The following FBXW7 variants were observed in gnomAD, a reference collection of about 807,000 sequenced individuals.
FBXW7 encodes the protein F-box and WD repeat domain containing 7.
Under a neutral mutation model 86.3 loss-of-function variants are expected in FBXW7, and 11 were observed. The ratio of observed to expected loss-of-function variants is 0.13; its 90% CI spans 0.08 to 0.21. The LOEUF is 0.21. Ranked by LOEUF, FBXW7 falls within the 10% of genes least tolerant of loss-of-function variation. The pLI is 1.00. For missense variants in FBXW7, 488 were observed against 847.4 expected (o/e 0.58, Z 5.27); for synonymous variants, 313 against 297.9 (o/e 1.05, Z -0.52).
At chr4:152,398,738 AAT>A (rs777412318) in intron 4 of FBXW7, among the ~76,000 whole-genome samples, 3 of 152,012 alleles carry the variant, frequency 2.0e-5, no homozygotes, top group Non-Finnish European at 4.4e-5. Context: ...ATTTATAGAA[AAT>A]AGAGATTAAT....
In FBXW7 at chr4:152,325,910, G is replaced by A; in HGVS notation, c.1644+96C>T. ...AGAATAATCTGATTAATCTTTTTTG[G>A]ACTGTACTGGATCAGCAATTTGACA... On this transcript the variant is annotated intron_variant, in intron 12 of 13. Coordinates refer to ENST00000281708, the MANE Select transcript of FBXW7 (RefSeq NM_001349798.2). 7 of 917,684 alleles carry A rather than the reference G, an allele frequency of 7.6e-6. No homozygotes were observed. In the South Asian group the frequency reaches 1.0e-4, roughly 14 times the overall value. 56.8% of individuals were successfully genotyped at this position (917,684 alleles called of 1,614,324 possible). A position where few individuals can be genotyped will look rare whatever the true frequency, so the allele number is the denominator to read the frequency against.
At chr4:152,386,166 T>A (rs1735512148) in intron 4 of FBXW7, among the ~76,000 whole-genome samples, 1 of 152,046 alleles carries the variant, frequency 6.6e-6, no homozygotes, top group Admixed American at 6.6e-5. Context: ...AGATACTCTT[T>A]AATTACTACC....
chr4:152,412,157 A>C (rs957587944), intron 3 of FBXW7, among the ~76,000 whole-genome samples: 1 of 152,156 alleles, frequency 6.6e-6, no homozygotes, highest in African/African-American at 2.4e-5. Flanking sequence ...ATAAAACATA[A>C]TATTTCAAGC....
intron 2 of FBXW7, among the ~76,000 whole-genome samples, chr4:152,528,136 T>TAAC (rs1405832943): frequency 1.3e-5 from 2 of 152,174 alleles, no homozygotes; most frequent in East Asian, 3.9e-4. Context: ...AATGAACATC[T>TAAC]AACACAATAC....
chr4:152,502,620 G>C (rs1249430273), intron 2 of FBXW7, among the ~76,000 whole-genome samples: 1 of 151,444 alleles, frequency 6.6e-6, no homozygotes, highest in Non-Finnish European at 1.5e-5. Context: ...ACAAGAGGAG[G>C]ACACATTTTT....
At chr4:152,441,954 T>C (rs898570324) in intron 2 of FBXW7, among the ~76,000 whole-genome samples, 8 of 152,194 alleles carry the variant, frequency 5.3e-5, no homozygotes, top group Admixed American at 3.9e-4. Flanking sequence ...TAATCACACA[T>C]TGTAGGGTAA....
intron 2 of FBXW7, among the ~76,000 whole-genome samples, chr4:152,468,149 G>GT (rs1321830200): frequency 6.6e-6 from 1 of 152,062 alleles, no homozygotes; most frequent in Non-Finnish European, 1.5e-5. Context: ...GACAATAAGT[G>GT]TTTATGAGGT....
chr4:152,453,322 C>A (rs924953962), intron 2 of FBXW7, among the ~76,000 whole-genome samples: 1 of 152,180 alleles, frequency 6.6e-6, no homozygotes, highest in Non-Finnish European at 1.5e-5. Context: ...CCCTGTAAAT[C>A]CCACAGAGTG....
Position 152,528,135 on chromosome 4 carries a change from C to T in FBXW7, c.-120+6806G>A, listed in dbSNP as rs185171326. Among the ~76,000 whole-genome samples, 5 of 152,222 alleles carry T rather than the reference C, an allele frequency of 3.3e-5. No homozygotes were observed. In the East Asian group the frequency reaches 9.6e-4, roughly 29 times the overall value. On this transcript the variant is annotated intron_variant, in intron 2 of 13. Coordinates refer to ENST00000281708, the MANE Select transcript of FBXW7 (RefSeq NM_001349798.2). ...AGAGCAGTCATGCAGAAATGAACAT[C>T]TAACACAATACACTAGGTACAGGTA...
intron 2 of FBXW7, among the ~76,000 whole-genome samples, chr4:152,423,888 T>C (rs1739154361): frequency 6.6e-6 from 1 of 151,770 alleles, no homozygotes; most frequent in Admixed American, 6.6e-5. Flanking sequence ...GAATAGAATG[T>C]TCTATTTTTT....
At chr4:152,401,330 T>C (rs1484378248) in intron 4 of FBXW7, among the ~76,000 whole-genome samples, 1 of 152,164 alleles carries the variant, frequency 6.6e-6, no homozygotes, top group African/African-American at 2.4e-5. Flanking sequence ...CTGTGGTATA[T>C]CCAAACAATG....
chr4:152,439,315 A>G (rs901861971), intron 2 of FBXW7, among the ~76,000 whole-genome samples: 6 of 152,184 alleles, frequency 3.9e-5, no homozygotes, highest in Non-Finnish European at 8.8e-5. Context: ...TTTCATCATA[A>G]GTAGAAATGA....
intron 2 of FBXW7, among the ~76,000 whole-genome samples, chr4:152,478,099 T>C (rs1744582466): frequency 6.6e-6 from 1 of 152,146 alleles, no homozygotes; most frequent in Non-Finnish European, 1.5e-5. Context: ...TGTACTATTT[T>C]AGCCATTTTT....
rs1181759884 is a variant in FBXW7, at chr4:152,412,480, C to CGGTA, written c.-71_-70insTACC. ...AAAAAAAAAGTTCATAAGTTCATAC[C>CGGTA]CTCTGACCCAGTAACTCCACTTCTG... On this transcript the variant is annotated splice_region_variant and 5_prime_UTR_variant, in exon 3 of 14. Transcript: ENST00000281708. 6.6e-6 allele frequency: 1 copy of CGGTA among 151,086 alleles called. No individual in the cohort carries two copies. Among genetic ancestry groups the CGGTA allele is most frequent in the Non-Finnish European group, 1.5e-5 (1 of 67,710 alleles). 9.4% of individuals were successfully genotyped at this position (151,086 alleles called of 1,614,324 possible).
intron 4 of FBXW7, among the ~76,000 whole-genome samples, chr4:152,404,486 T>C (rs973075286): frequency 6.6e-6 from 1 of 152,226 alleles, no homozygotes; most frequent in Non-Finnish European, 1.5e-5. Context: ...CACACACATA[T>C]ATAAAAATGT....
Position 152,347,001 on chromosome 4 carries a change from C to G in FBXW7, c.655G>C (p.Gly219Arg), listed in dbSNP as rs757654949. ...FGDLRAANGQGQQRRRITSVQ... is the reference protein window; with the variant it reads ...FGDLRAANGQRQQRRRITSVQ... ...GATGTAATTCGGCGTCGTTGTTGCC[C>G]TTGGCCATTGGCTGCTCTGAGGTCC... Residue 219 changes from glycine (G) to arginine (R), a missense_variant, in exon 6 of 14, where the codon GGG becomes CGG. Physicochemically the swap from Gly to Arg is moderately radical, Grantham distance 125. Coordinates refer to ENST00000281708, the MANE Select transcript of FBXW7 (RefSeq NM_001349798.2). 9 of 1,613,098 alleles carry G rather than the reference C, an allele frequency of 5.6e-6. No individual in the cohort carries two copies. The highest frequency in any genetic ancestry group is 7.6e-6 in the Non-Finnish European group (9 of 1,179,770).
intron 2 of FBXW7, among the ~76,000 whole-genome samples, chr4:152,449,692 C>G (rs889165165): frequency 8.5e-5 from 13 of 152,190 alleles, no homozygotes; most frequent in African/African-American, 3.1e-4. Flanking sequence ...AAACCACAAA[C>G]CACCCTGAAA....
At chr4:152,416,095 T>C (rs1738404864) in intron 2 of FBXW7, among the ~76,000 whole-genome samples, 1 of 152,152 alleles carries the variant, frequency 6.6e-6, no homozygotes, top group Non-Finnish European at 1.5e-5. Flanking sequence ...ATTTAAGTTC[T>C]ATAAGGAAAA....
At position 152,534,922 on chromosome 4, in the gene FBXW7, C is replaced by G. The variant is rs1750368588; in HGVS notation, c.-120+19G>C. 1 of 152,314 alleles carries G rather than the reference C, an allele frequency of 6.6e-6. No individual in the cohort carries two copies. The highest frequency in any genetic ancestry group is 1.5e-5 in the Non-Finnish European group (1 of 68,106). 9.4% of individuals were successfully genotyped at this position (152,314 alleles called of 1,614,324 possible). A position where few individuals can be genotyped will look rare whatever the true frequency, so the allele number is the denominator to read the frequency against. On this transcript the variant is annotated intron_variant, in intron 2 of 13. Transcript: ENST00000281708. ...CTCCCACTTTCTCCCCCTCAATTCC[C>G]TCTCCCGGGGCCACTCACACTTTTA...
Sources: gnomAD v4.1 joint callset for allele counts (sites outside exome capture counted in the v4.1 genomes callset) on GRCh38, gnomAD v4.1.1 for gene constraint, MANE v1.5 for transcripts, NCBI Gene and HGNC (gene_info 2026-07-23, HGNC 2026-07-21) for gene names.